The following SH3D19 variants were observed in gnomAD, a reference collection of about 807,000 sequenced individuals.
The protein encoded by SH3D19 is SH3 domain-containing protein 19.
Under a neutral mutation model 112.1 loss-of-function variants are expected in SH3D19, and 58 were observed. That is an observed-to-expected ratio of 0.52 (90% CI 0.42 to 0.64). The LOEUF (loss-of-function observed/expected upper bound fraction) is 0.64. Among genes scored for constraint, SH3D19 ranks in the 30% least tolerant of loss-of-function variants. SH3D19 has a pLI of 0.00. For synonymous variants in SH3D19, 391 were observed against 448.5 expected (o/e 0.87, Z 1.62); for missense variants, 1,090 against 1,263.4 (o/e 0.86, Z 2.08).
At chr4:151,298,098 G>A (rs929951364) in intron 1 of SH3D19, among the ~76,000 whole-genome samples, 7 of 152,008 alleles carry the variant, frequency 4.6e-5, no homozygotes, top group South Asian at 2.1e-4. Context: ...GTCTACAGAC[G>A]GAATGCAGTC....
chr4:151,174,861 G>C lies in SH3D19; in HGVS notation c.1343C>G (p.Pro448Arg). Residue 448 changes from proline (P) to arginine (R), a missense_variant, in exon 7 of 20, where the codon CCC becomes CGC. By Grantham distance (103) the Pro-to-Arg change is moderately radical. Coordinates refer to ENST00000604030, the MANE Select transcript of SH3D19 (RefSeq NM_001378122.1). ...GGCTTGTGATGCCCCTGCGAGTCGG[G>C]GAGGAACAGTGACAGGTTTCAGTGG... ...SAPLKPVTVP[P>R]RLAGASQAKA... The C allele has an allele frequency of 1.9e-6, 3 of 1,604,432 alleles. No homozygotes were observed. Among genetic ancestry groups the C allele is most frequent in the Non-Finnish European group, 2.6e-6 (3 of 1,175,156 alleles).
At chr4:151,275,102 T>C (rs1228606757) in intron 1 of SH3D19, among the ~76,000 whole-genome samples, 2 of 151,996 alleles carry the variant, frequency 1.3e-5, no homozygotes, top group African/African-American at 2.4e-5. Flanking sequence ...TTTTTTTTTT[T>C]TTGAGACGGA....
chr4:151,301,528 G>C (rs1460387494), intron 1 of SH3D19, among the ~76,000 whole-genome samples: 2 of 151,846 alleles, frequency 1.3e-5, no homozygotes, highest in African/African-American at 4.8e-5. Flanking sequence ...CGCCTGGCCA[G>C]AGATCTGCTT....
intron 2 of SH3D19, among the ~76,000 whole-genome samples, chr4:151,190,633 G>A (rs1762470209): frequency 6.6e-6 from 1 of 152,200 alleles, no homozygotes. Context: ...TGTTGAGCGT[G>A]CAAGTGCACA....
intron 9 of SH3D19, among the ~76,000 whole-genome samples, chr4:151,157,736 C>A (rs1450661440): frequency 6.6e-6 from 1 of 152,114 alleles, no homozygotes; most frequent in South Asian, 2.1e-4. Flanking sequence ...CATGTATACA[C>A]CATGGAATAC....
intron 3 of SH3D19, among the ~76,000 whole-genome samples, chr4:151,187,209 G>T (rs1351065467): frequency 6.6e-6 from 1 of 151,790 alleles, no homozygotes; most frequent in Non-Finnish European, 1.5e-5. Flanking sequence ...CCCCAGCTTT[G>T]TTCTGCAAGA....
intron 7 of SH3D19, among the ~76,000 whole-genome samples, chr4:151,169,939 C>G (rs570504409): frequency 6.6e-6 from 1 of 152,144 alleles, no homozygotes; most frequent in Non-Finnish European, 1.5e-5. Context: ...AGGGGAAATA[C>G]TGAACCAGCT....
intron 1 of SH3D19, among the ~76,000 whole-genome samples, chr4:151,258,659 G>A (rs951528665): frequency 6.6e-6 from 1 of 152,144 alleles, no homozygotes; most frequent in African/African-American, 2.4e-5. Context: ...AGGGGACGCC[G>A]CAGACCCCCC....
chr4:151,263,790 TTTGTTGTTGTTGTTG>T (rs145008066), intron 1 of SH3D19, among the ~76,000 whole-genome samples: 3 of 150,944 alleles, frequency 2.0e-5, no homozygotes, highest in Non-Finnish European at 4.4e-5. Context: ...AGCTACAGTT[TTTGTTGTTGTTGTTG>T]TTGTTGTTGT....
chr4:151,129,544 AT>A (rs1204152605), intron 17 of SH3D19, among the ~76,000 whole-genome samples: 6 of 151,996 alleles, frequency 3.9e-5, no homozygotes, highest in Admixed American at 3.9e-4. Context: ...TAATTTTTGT[AT>A]TTTTAGTAGA....
chr4:151,212,717 T>C (rs1396507868), intron 2 of SH3D19, among the ~76,000 whole-genome samples: 3 of 152,222 alleles, frequency 2.0e-5, no homozygotes, highest in African/African-American at 7.2e-5. Flanking sequence ...CAACATCCAA[T>C]CTGCAACCCA....
At chr4:151,324,527 G>A (rs1001811705) in intron 1 of SH3D19, among the ~76,000 whole-genome samples, 2 of 124,134 alleles carry the variant, frequency 1.6e-5, no homozygotes, top group Non-Finnish European at 3.6e-5. Context: ...AAAGCCGCCC[G>A]GAAGAGGGAA....
chr4:151,255,561 G>A (rs1282587671), intron 1 of SH3D19, among the ~76,000 whole-genome samples: 1 of 147,860 alleles, frequency 6.8e-6, no homozygotes, highest in African/African-American at 2.5e-5. Context: ...CCAGGCAGAG[G>A]GGCTCCTCAC....
intron 1 of SH3D19, chr4:151,227,794 ACAT>A: frequency 1.0e-6 from 1 of 985,510 alleles, no homozygotes; most frequent in Non-Finnish European, 1.2e-6. Flanking sequence ...TCTGTCCAGA[ACAT>A]CATTTCCTGT....
intron 2 of SH3D19, among the ~76,000 whole-genome samples, chr4:151,192,962 T>TC (rs200776214): frequency 6.9e-6 from 1 of 145,676 alleles, no homozygotes. Flanking sequence ...CAATTCTTCT[T>TC]TTTTTTTTTT....
At chr4:151,321,876 C>T (rs527550134) in intron 1 of SH3D19, among the ~76,000 whole-genome samples, 1 of 152,186 alleles carries the variant, frequency 6.6e-6, no homozygotes, top group East Asian at 1.9e-4. Flanking sequence ...ATTAGTGTAC[C>T]CACATCCTCT....
chr4:151,132,270 T>A (rs1750882929), intron 17 of SH3D19, 61 bp downstream of exon 17: 15 of 1,345,074 alleles, frequency 1.1e-5, no homozygotes, highest in Middle Eastern at 1.8e-4. Context: ...ATTATGATTT[T>A]AATATTCCTC....
chr4:151,283,042 T>G, intron 1 of SH3D19: 1 of 1,385,306 alleles, frequency 7.2e-7, no homozygotes, highest in Non-Finnish European at 1.0e-6. Context: ...CAGAGACTTC[T>G]GCACATCATG....
intron 1 of SH3D19, among the ~76,000 whole-genome samples, chr4:151,314,566 A>C (rs191580553): frequency 3.9e-5 from 6 of 152,360 alleles, no homozygotes; most frequent in African/African-American, 4.8e-5. Flanking sequence ...TAGGTATCTT[A>C]TAACAAAATG....
Sources: allele counts gnomAD v4.1 joint callset (sites outside exome capture counted in the v4.1 genomes callset), GRCh38; gene constraint gnomAD v4.1.1; transcripts MANE v1.5; gene names NCBI Gene and HGNC (gene_info 2026-07-23, HGNC 2026-07-21).